Variants in TMEM132D observed in about 807,000 individuals in gnomAD.
TMEM132D encodes transmembrane protein 132D.
TMEM132D carries 21 observed loss-of-function variants against 62.3 expected under a neutral mutation model. The ratio of observed to expected loss-of-function variants is 0.34; its 90% CI spans 0.24 to 0.49. The LOEUF is 0.49. Among genes scored for constraint, TMEM132D ranks in the 20% least tolerant of loss-of-function variants. The pLI is 0.99. For missense variants in TMEM132D, 1,346 were observed against 1,402.8 expected (o/e 0.96, Z 0.65); for synonymous variants, 621 against 575.6 (o/e 1.08, Z -1.13).
intron 3 of TMEM132D, among the ~76,000 whole-genome samples, chr12:129,343,623 A>C (rs1869582701): frequency 6.6e-6 from 1 of 152,142 alleles, no homozygotes; most frequent in South Asian, 2.1e-4. Context: ...TTTACCGATA[A>C]TAATGTTGCC....
At chr12:129,823,067 G>A (rs1173392617) in intron 1 of TMEM132D, among the ~76,000 whole-genome samples, 2 of 152,128 alleles carry the variant, frequency 1.3e-5, no homozygotes, top group Non-Finnish European at 2.9e-5. Flanking sequence ...GTGAGATCTG[G>A]TTGTTTAAAA....
Position 129,831,958 on chromosome 12 carries a change from C to T in TMEM132D, c.79+71303G>A, listed in dbSNP as rs573804471. On this transcript the variant is annotated intron_variant, in intron 1 of 8. Coordinates refer to ENST00000422113, the MANE Select transcript of TMEM132D (RefSeq NM_133448.3). Reference sequence around the variant, plus strand: ...GATCTCAGCTCACTGCAATCTCCACCTCCCGGGTTCCAGAGATCCCCCTGC... The same window carrying T: ...GATCTCAGCTCACTGCAATCTCCACTTCCCGGGTTCCAGAGATCCCCCTGC... Among the ~76,000 whole-genome samples the T allele has an allele frequency of 2.1e-4, 32 of 149,402 alleles. No individual in the cohort carries two copies. In the South Asian group the frequency reaches 6.6e-3, roughly 31 times the overall value.
At chr12:129,282,362 G>C in intron 4 of TMEM132D, among the ~76,000 whole-genome samples, 1 of 152,264 alleles carries the variant, frequency 6.6e-6, no homozygotes, top group African/African-American at 2.4e-5. Context: ...CAGCAGCTGA[G>C]CACATAAAAA....
intron 5 of TMEM132D, among the ~76,000 whole-genome samples, chr12:129,147,907 C>T (rs1876958836): frequency 1.3e-5 from 2 of 152,206 alleles, no homozygotes; most frequent in South Asian, 4.1e-4. Flanking sequence ...CTGGCCTAAA[C>T]CAACTTTCGT....
chr12:129,115,503 A>G (rs1875867331), intron 5 of TMEM132D, among the ~76,000 whole-genome samples: 1 of 152,142 alleles, frequency 6.6e-6, no homozygotes, highest in African/African-American at 2.4e-5. Context: ...TTGGCTATAA[A>G]TCTCTTACTA....
chr12:129,845,454 C>A (rs994900817), intron 1 of TMEM132D, among the ~76,000 whole-genome samples: 1 of 152,172 alleles, frequency 6.6e-6, no homozygotes, highest in Non-Finnish European at 1.5e-5. Context: ...AAATGAAACA[C>A]GTCTGAGACG....
intron 3 of TMEM132D, among the ~76,000 whole-genome samples, chr12:129,393,816 G>T (rs1443016395): frequency 6.6e-6 from 1 of 152,158 alleles, no homozygotes; most frequent in Non-Finnish European, 1.5e-5. Flanking sequence ...AAAACTTGCA[G>T]TGACAGGTGT....
At chr12:129,393,005 G>A (rs11060311) in intron 3 of TMEM132D, among the ~76,000 whole-genome samples, 6 of 152,090 alleles carry the variant, frequency 3.9e-5, no homozygotes, top group African/African-American at 1.4e-4. Flanking sequence ...CGTTACAGGT[G>A]CAAAGATAGT....
chr12:129,288,564 T>C (rs1881365570), intron 4 of TMEM132D, among the ~76,000 whole-genome samples: 1 of 152,188 alleles, frequency 6.6e-6, no homozygotes, highest in African/African-American at 2.4e-5. Context: ...TATCATCTCA[T>C]GCCTGTTAGG....
intron 5 of TMEM132D, among the ~76,000 whole-genome samples, chr12:129,087,972 CATGA>C (rs1565959549): frequency 2.1e-5 from 2 of 94,422 alleles, no homozygotes; most frequent in East Asian, 1.0e-3. Context: ...GGGTGTCCTC[CATGA>C]CCGGGTGTCC....
At chr12:129,731,101 T>C (rs1203252644) in intron 1 of TMEM132D, among the ~76,000 whole-genome samples, 1 of 152,144 alleles carries the variant, frequency 6.6e-6, no homozygotes, top group Non-Finnish European at 1.5e-5. Flanking sequence ...TGAGGGCAGA[T>C]GCTATTTCAA....
intron 5 of TMEM132D, chr12:129,111,231 TG>T (rs1475236994): frequency 6.6e-6 from 1 of 152,286 alleles, no homozygotes. Context: ...GGAAGAGGGA[TG>T]GGGCTGCAAG....
At chr12:129,511,146 A>G (rs768424041) in intron 3 of TMEM132D, among the ~76,000 whole-genome samples, 1 of 152,190 alleles carries the variant, frequency 6.6e-6, no homozygotes, top group Non-Finnish European at 1.5e-5. Context: ...AAATATACCC[A>G]CCAACCCACC....
chr12:129,605,074 T>C (rs1219165315), intron 2 of TMEM132D, among the ~76,000 whole-genome samples: 2 of 152,196 alleles, frequency 1.3e-5, no homozygotes, highest in Non-Finnish European at 2.9e-5. Context: ...CTTAAAAATA[T>C]ACTAGTGATA....
At chr12:129,589,882 T>A (rs545856821) in intron 2 of TMEM132D, among the ~76,000 whole-genome samples, 1 of 152,316 alleles carries the variant, frequency 6.6e-6, no homozygotes, top group Non-Finnish European at 1.5e-5. Context: ...CCTGGATTGT[T>A]CCCTGGACTT....
At chr12:129,693,555 C>G (rs1312340718) in intron 2 of TMEM132D, among the ~76,000 whole-genome samples, 1 of 152,026 alleles carries the variant, frequency 6.6e-6, no homozygotes, top group East Asian at 1.9e-4. Context: ...CCTGACAGAC[C>G]CAGCCTCAGC....
chr12:129,152,854 G>A (rs1420765283), intron 5 of TMEM132D, among the ~76,000 whole-genome samples: 2 of 152,192 alleles, frequency 1.3e-5, no homozygotes, highest in South Asian at 2.1e-4. Flanking sequence ...GGTAGTTTCA[G>A]CCAACAGGAG....
chr12:129,723,457 G>C (rs1021412443), intron 1 of TMEM132D, among the ~76,000 whole-genome samples: 1 of 152,186 alleles, frequency 6.6e-6, no homozygotes, highest in African/African-American at 2.4e-5. Flanking sequence ...CTGGCTTCCA[G>C]TTGGGTGTGG....
intron 3 of TMEM132D, among the ~76,000 whole-genome samples, chr12:129,369,569 C>T (rs3861081): frequency 0.23 from 35,036 of 152,112 alleles, 4,182 homozygotes; most frequent in Non-Finnish European, 0.26. Context: ...GTCTCATCAG[C>T]GGAAGCTGGC....
Sources: gnomAD v4.1 joint callset for allele counts (sites outside exome capture counted in the v4.1 genomes callset) on GRCh38, gnomAD v4.1.1 for gene constraint, MANE v1.5 for transcripts, NCBI Gene and HGNC (gene_info 2026-07-23, HGNC 2026-07-21) for gene names.